Variants in DNAJC15 observed in about 807,000 individuals in gnomAD.
DNAJC15 encodes dnaJ homolog subfamily C member 15.
DNAJC15 carries 27 observed loss-of-function variants against 22.4 expected under a neutral mutation model. The ratio of observed to expected loss-of-function variants is 1.20; its 90% CI spans 0.89 to 1.66. The LOEUF is 1.66. DNAJC15 is among the 40% of genes most tolerant of loss of function. DNAJC15 has a pLI of 0.00. For synonymous variants in DNAJC15, 79 were observed against 63.2 expected (o/e 1.25, Z -1.19); for missense variants, 208 against 187.1 (o/e 1.11, Z -0.65).
At chr13:43,075,852 C>CAAAGATACAAAGA (rs2040631498) in intron 3 of DNAJC15, among the ~76,000 whole-genome samples, 2 of 152,014 alleles carry the variant, frequency 1.3e-5, no homozygotes, top group Non-Finnish European at 2.9e-5. Context: ...TTAGTAGAGA[C>CAAAGATACAAAGA]GGGGTTTCAC....
At chr13:43,093,537 A>G (rs1201755227) in intron 5 of DNAJC15, among the ~76,000 whole-genome samples, 1 of 152,122 alleles carries the variant, frequency 6.6e-6, no homozygotes, top group African/African-American at 2.4e-5. Context: ...TAGCCTCTCA[A>G]GTACTTGGGA....
At position 43,086,829 on chromosome 13, in the gene DNAJC15, G is replaced by GATTTATTTTGAGATGGTAT. The variant is rs534387368; in HGVS notation, c.382+1000_382+1018dup. Among the ~76,000 whole-genome samples the GATTTATTTTGAGATGGTAT allele has an allele frequency of 3.2e-3, 486 of 152,258 alleles. 5 individuals are homozygous for GATTTATTTTGAGATGGTAT. Among genetic ancestry groups the GATTTATTTTGAGATGGTAT allele is most frequent in the African/African-American group, 0.011 (467 of 41,538 alleles). ...GAGCAAGTAGTGTTTAAAGAATTACGATTTATTTTGAGATGGTATATTTAT... is the reference window on the plus strand; with the variant it reads ...GAGCAAGTAGTGTTTAAAGAATTACGATTTATTTTGAGATGGTATATTTATTTTGAGATGGTATATTTAT... On this transcript the variant is annotated intron_variant, in intron 5 of 5. Coordinates refer to ENST00000379221, the MANE Select transcript of DNAJC15 (RefSeq NM_013238.3).
rs1047891423 is a variant in DNAJC15, at chr13:43,113,340, G to T, written c.*6092G>T. On this transcript the variant is annotated 3_prime_UTR_variant, in exon 6 of 6. Transcript: ENST00000379221. ...TACTTTTATAGAATTCTTAAAAATTGTTTCCTGCTGTTTATTTTCAATTTT... is the reference window on the plus strand; with the variant it reads ...TACTTTTATAGAATTCTTAAAAATTTTTTCCTGCTGTTTATTTTCAATTTT... 9.9e-5 allele frequency: 15 copies of T among 152,262 alleles called. No homozygotes were observed. The highest frequency in any genetic ancestry group is 3.4e-4 in the African/African-American group (14 of 41,546). The allele number at this position is 152,262 out of a possible 1,614,324, so 9.4% of individuals were successfully genotyped here. A position where few individuals can be genotyped will look rare whatever the true frequency, so the allele number is the denominator to read the frequency against.
intron 4 of DNAJC15, 25 bp downstream of exon 4, chr13:43,078,713 TTTG>T: frequency 6.2e-7 from 1 of 1,602,852 alleles, no homozygotes; most frequent in Non-Finnish European, 8.5e-7. Context: ...TAAGTATTGT[TTTG>T]TTGTGTGGCC....
At chr13:43,077,465 A>AT (rs918366732) in intron 3 of DNAJC15, among the ~76,000 whole-genome samples, 5 of 152,238 alleles carry the variant, frequency 3.3e-5, no homozygotes, top group Admixed American at 6.5e-5. Flanking sequence ...CATTGTAGTT[A>AT]TCCCAAGTTG....
intron 5 of DNAJC15, among the ~76,000 whole-genome samples, chr13:43,092,625 T>C (rs950224843): frequency 5.3e-5 from 8 of 152,076 alleles, no homozygotes; most frequent in Non-Finnish European, 1.0e-4. Context: ...TACTTTTTTC[T>C]TTAGTAACTT....
intron 5 of DNAJC15, among the ~76,000 whole-genome samples, chr13:43,091,081 T>A (rs1285994873): frequency 2.0e-5 from 3 of 152,062 alleles, no homozygotes; most frequent in African/African-American, 7.2e-5. Flanking sequence ...TTATTTTTTT[T>A]ATTTCTTTAT....
chr13:43,108,497 C>T lies in DNAJC15; in HGVS notation c.*1249C>T, dbSNP rs2040809152. On this transcript the variant is annotated 3_prime_UTR_variant, in exon 6 of 6. Coordinates refer to ENST00000379221, the MANE Select transcript of DNAJC15 (RefSeq NM_013238.3). ...TCCTTTACAAATCTTGGGTTCATTC[C>T]AGGTAAACTGAACTACTGCATTGTT... is the stretch of plus-strand genomic sequence containing the variant. 1.3e-5 allele frequency: 2 copies of T among 152,148 alleles called. No homozygotes were observed. The highest frequency in any genetic ancestry group is 4.8e-5 in the African/African-American group (2 of 41,420). The allele number at this position is 152,148 out of a possible 1,614,324, so 9.4% of individuals were successfully genotyped here.
At chr13:43,095,548 T>C (rs2040735521) in intron 5 of DNAJC15, among the ~76,000 whole-genome samples, 1 of 152,034 alleles carries the variant, frequency 6.6e-6, no homozygotes, top group Non-Finnish European at 1.5e-5. Context: ...GAAACCAACC[T>C]TAAGAGGTCA....
intron 1 of DNAJC15, among the ~76,000 whole-genome samples, chr13:43,058,335 C>T (rs1235358821): frequency 1.3e-5 from 2 of 152,128 alleles, no homozygotes; most frequent in African/African-American, 4.8e-5. Flanking sequence ...GGACATAGAG[C>T]TCCCAAGAGA....
At chr13:43,060,260 C>A (rs558842320) in intron 1 of DNAJC15, among the ~76,000 whole-genome samples, 42 of 152,116 alleles carry the variant, frequency 2.8e-4, no homozygotes, top group Non-Finnish European at 5.7e-4. Flanking sequence ...TGGAGAGATT[C>A]AACTGGAGAA....
In DNAJC15 at chr13:43,108,272, A is replaced by G. The variant is rs1420808312; in HGVS notation, c.*1024A>G. 4 of 152,212 alleles carry G rather than the reference A, an allele frequency of 2.6e-5. No homozygotes were observed. In the East Asian group the frequency reaches 7.7e-4, roughly 29 times the overall value. 9.4% of individuals were successfully genotyped at this position (152,212 alleles called of 1,614,324 possible). ...TATTCTGAGATGAGAATTAGCAGAAATAGATATATCAATCGGAGTGATTAG... is the reference window on the plus strand; with the variant it reads ...TATTCTGAGATGAGAATTAGCAGAAGTAGATATATCAATCGGAGTGATTAG... On this transcript the variant is annotated 3_prime_UTR_variant, in exon 6 of 6. Transcript: ENST00000379221.
At chr13:43,024,631 A>G (rs2040371074) in intron 1 of DNAJC15, among the ~76,000 whole-genome samples, 1 of 152,056 alleles carries the variant, frequency 6.6e-6, no homozygotes, top group South Asian at 2.1e-4. Context: ...GGCGTGAGCC[A>G]CCGCGTCCGG....
Position 43,023,691 on chromosome 13 carries a change from C to T in DNAJC15, c.65C>T (p.Pro22Leu). Residue 22 changes from proline to leucine, a missense_variant, in exon 1 of 6, where the codon CCC becomes CTC. Coordinates refer to ENST00000379221, the MANE Select transcript of DNAJC15 (RefSeq NM_013238.3). ...TTGCGCTACGCTGAGTACTTGCAGCCCTCGGCCAAACGGCCAGACGCCGAC... is the reference window on the plus strand; with the variant it reads ...TTGCGCTACGCTGAGTACTTGCAGCTCTCGGCCAAACGGCCAGACGCCGAC... Reference protein sequence around the residue: ...ESLRYAEYLQPSAKRPDADVD... With the variant: ...ESLRYAEYLQLSAKRPDADVD... 6.2e-7 allele frequency: 1 copy of T among 1,612,740 alleles called. No homozygotes were observed. The highest frequency in any genetic ancestry group is 8.5e-7 in the Non-Finnish European group (1 of 1,179,550).
chr13:43,046,082 A>G (rs1453601623), intron 1 of DNAJC15, among the ~76,000 whole-genome samples: 1 of 151,922 alleles, frequency 6.6e-6, no homozygotes, highest in Non-Finnish European at 1.5e-5. Context: ...TTTTATTGGG[A>G]GTTTATTTTC....
intron 3 of DNAJC15, among the ~76,000 whole-genome samples, chr13:43,073,442 C>T (rs751954998): frequency 2.0e-5 from 3 of 151,704 alleles, no homozygotes; most frequent in African/African-American, 4.9e-5. Flanking sequence ...AAATAAGATG[C>T]GTATCAGAAA....
rs139301206 is a variant in DNAJC15 at position 43,101,352 on chromosome 13, G to A, written c.383-5826G>A. Among the ~76,000 whole-genome samples the A allele has an allele frequency of 2.2e-4, 34 of 152,278 alleles. No individual in the cohort carries two copies. In the East Asian group the frequency reaches 6.2e-3, roughly 28 times the overall value. On this transcript the variant is annotated intron_variant, in intron 5 of 5. Transcript: ENST00000379221. ...CTGGGTCATGTTGTAATTTAATCCGGTGCGACAGCCTTTGCCTTTTGATTG... is the reference window on the plus strand; with the variant it reads ...CTGGGTCATGTTGTAATTTAATCCGATGCGACAGCCTTTGCCTTTTGATTG...
chr13:43,034,399 T>C (rs2040418485), intron 1 of DNAJC15, among the ~76,000 whole-genome samples: 1 of 138,480 alleles, frequency 7.2e-6, no homozygotes, highest in African/African-American at 2.7e-5. Flanking sequence ...CACTTCAAGC[T>C]CTGCCTCCCG....
At chr13:43,073,702 C>A (rs1416702584) in intron 3 of DNAJC15, among the ~76,000 whole-genome samples, 1 of 152,016 alleles carries the variant, frequency 6.6e-6, no homozygotes, top group South Asian at 2.1e-4. Context: ...TTTCTTTAAA[C>A]TTTCTGGTTT....
Sources: allele counts gnomAD v4.1 joint callset (sites outside exome capture counted in the v4.1 genomes callset), GRCh38; gene constraint gnomAD v4.1.1; transcripts MANE v1.5; gene names NCBI Gene and HGNC (gene_info 2026-07-23, HGNC 2026-07-21).